HCK: variants seen among roughly 807,000 people sequenced by gnomAD.
HCK encodes the protein tyrosine-protein kinase HCK.
A neutral mutation model predicts 70.4 loss-of-function variants in HCK; 40 were observed. The ratio of observed to expected loss-of-function variants is 0.57; its 90% CI spans 0.44 to 0.74. The LOEUF (loss-of-function observed/expected upper bound fraction) is 0.74, where lower values mean the gene tolerates loss of function less well. Among genes scored for constraint, HCK ranks in the 30% least tolerant of loss-of-function variants. HCK has a pLI of 0.00. For missense variants in HCK, 568 were observed against 697.2 expected (o/e 0.81, Z 2.09); for synonymous variants, 245 against 263.2 (o/e 0.93, Z 0.67).
chr20:32,083,996 C>T lies in HCK; in HGVS notation c.635C>T (p.Pro212Leu). ...GACAACGGGGGCTTCTACATATCCC[C>T]CCGAAGCACCTTCAGCACTCTGCAG... The change falls in exon 7 of 13, where the codon CCC (proline) becomes CTC (leucine). Residue 212 changes from proline (P) to leucine (L), a missense_variant. Physicochemically the swap from Pro to Leu is moderately conservative, Grantham distance 98. Around this residue, in one of 4 missense-constraint regions of HCK, gnomAD observed 318 missense variants for 336.0 expected, o/e 0.95. Transcript: ENST00000375852. The T allele has an allele frequency of 1.9e-6, 3 of 1,614,176 alleles. No homozygotes were observed. Among genetic ancestry groups the T allele is most frequent in the Non-Finnish European group, 2.5e-6 (3 of 1,180,028 alleles).
chr20:32,064,998 G>A (rs986405301), intron 1 of HCK, among the ~76,000 whole-genome samples: 12 of 152,220 alleles, frequency 7.9e-5, no homozygotes, highest in Admixed American at 2.0e-4. Flanking sequence ...TGAGAAATGC[G>A]TATGCAGAAG....
chr20:32,069,584 G>T, intron 1 of HCK: 1 of 387,798 alleles, frequency 2.6e-6, no homozygotes, highest in South Asian at 1.9e-5. Context: ...AGTTTTAAAT[G>T]CATGCAAGTA....
At chr20:32,095,650 GTT>G (rs1409208643) in intron 11 of HCK, among the ~76,000 whole-genome samples, 1 of 152,086 alleles carries the variant, frequency 6.6e-6, no homozygotes, top group African/African-American at 2.4e-5. Context: ...ACTTCTGTGG[GTT>G]TTTTGCAGGG....
At position 32,084,102 on chromosome 20, in the gene HCK, C is replaced by T. The variant is rs896335349; in HGVS notation, c.682+59C>T. On this transcript the variant is annotated intron_variant, in intron 7 of 12. Transcript: ENST00000375852. ...CGATGGGCCCACAGACTCCTAGTCA[C>T]GGATGCACTGTGGCCCCTGAGACCT... The T allele has an allele frequency of 1.1e-5, 17 of 1,564,244 alleles. No homozygotes were observed. The Admixed American group carries it at 1.2e-4, about 11-fold the overall frequency.
At chr20:32,090,530 G>C (rs964264981) in intron 10 of HCK, among the ~76,000 whole-genome samples, 6 of 152,162 alleles carry the variant, frequency 3.9e-5, no homozygotes, top group Non-Finnish European at 7.4e-5. Flanking sequence ...AGGGTGGGGG[G>C]CTTATCTGTG....
chr20:32,059,753 C>T (rs995180175), intron 1 of HCK, among the ~76,000 whole-genome samples: 4 of 152,064 alleles, frequency 2.6e-5, no homozygotes, highest in African/African-American at 7.2e-5. Context: ...TCGGCTCAAA[C>T]GATCCTCCTG....
intron 3 of HCK, 136 bp from the exon 4 acceptor site, chr20:32,073,580 G>C: frequency 1.5e-6 from 1 of 673,556 alleles, no homozygotes; most frequent in South Asian, 1.8e-5. Context: ...ATCACACCCA[G>C]CATGGTGAGA....
intron 10 of HCK, among the ~76,000 whole-genome samples, chr20:32,091,442 G>A (rs2122605535): frequency 6.6e-6 from 1 of 152,322 alleles, no homozygotes; most frequent in Middle Eastern, 3.4e-3. Flanking sequence ...TAACAAAAGT[G>A]CCTCCTCCAA....
chr20:32,101,270 C>T, intron 12 of HCK, 47 bp from the exon 13 acceptor site: 2 of 1,581,604 alleles, frequency 1.3e-6, no homozygotes, highest in Non-Finnish European at 1.7e-6. Flanking sequence ...CCCCTGGGCT[C>T]TCATTTCCCA....
chr20:32,068,393 T>G (rs958495002), intron 1 of HCK, among the ~76,000 whole-genome samples: 11 of 151,844 alleles, frequency 7.2e-5, no homozygotes, highest in Non-Finnish European at 1.5e-5. Flanking sequence ...AAAATAATTT[T>G]TTTTTAAAAA....
chr20:32,057,802 C>T (rs1326479356), intron 1 of HCK, among the ~76,000 whole-genome samples: 1 of 152,166 alleles, frequency 6.6e-6, no homozygotes, highest in Non-Finnish European at 1.5e-5. Context: ...ATGCACCAAC[C>T]ACATGTTGGT....
At chr20:32,076,864 AC>A (rs1373226422) in intron 5 of HCK, among the ~76,000 whole-genome samples, 2 of 151,940 alleles carry the variant, frequency 1.3e-5, no homozygotes, top group Non-Finnish European at 2.9e-5. Context: ...GGGAGGTGGA[AC>A]ACTTGAGGTC....
rs189776313 is a variant in HCK at position 32,088,459 on chromosome 20, T to C, written c.1016-109T>C. On this transcript the variant is annotated intron_variant, in intron 9 of 12. Coordinates refer to ENST00000375852, the MANE Select transcript of HCK (RefSeq NM_002110.5). ...ATATTCGTATTTAAATCTACTACTA[T>C]GAAAAATCTTCACCACACACTAAAG... The C allele has an allele frequency of 1.6e-5, 11 of 692,312 alleles. No homozygotes were observed. The Admixed American group carries it at 2.6e-4, about 17-fold the overall frequency. The allele number at this position is 692,312 out of a possible 1,614,324, so 42.9% of individuals were successfully genotyped here.
intron 5 of HCK, among the ~76,000 whole-genome samples, chr20:32,074,977 G>A (rs1028446868): frequency 5.3e-5 from 8 of 152,126 alleles, no homozygotes; most frequent in African/African-American, 1.2e-4. Flanking sequence ...CTAGCAAAAC[G>A]ACCTGGTTTC....
chr20:32,079,943 C>A, intron 6 of HCK, 66 bp downstream of exon 6: 3 of 1,188,590 alleles, frequency 2.5e-6, no homozygotes, highest in Non-Finnish European at 2.5e-6. Flanking sequence ...GGCCACCACC[C>A]TTTCCTTGGA....
At chr20:32,085,681 CA>C (rs1374947168) in intron 8 of HCK, among the ~76,000 whole-genome samples, 1 of 152,064 alleles carries the variant, frequency 6.6e-6, no homozygotes, top group Non-Finnish European at 1.5e-5. Flanking sequence ...GAAGCCAAGG[CA>C]AAATGGAAAC....
rs1569016850 is a variant in HCK, at chr20:32,099,018, A to G, written c.1261A>G (p.Ile421Val). The G allele has an allele frequency of 6.2e-7, 1 of 1,614,168 alleles. No homozygotes were observed. Among genetic ancestry groups the G allele is most frequent in the South Asian group, 1.1e-5 (1 of 91,086 alleles). ...CAACCCTGCAGGGGCCAAGTTCCCC[A>G]TCAAGTGGACAGCTCCTGAAGCCAT... The change falls in exon 12 of 13, where the codon ATC (isoleucine) becomes GTC (valine). Residue 421 changes from isoleucine (I) to valine (V), a missense_variant. Physicochemically the swap from Ile to Val is conservative, Grantham distance 29. This residue lies in a region of HCK where 160 missense variants were observed against 237.5 expected (regional missense o/e 0.67). Coordinates refer to ENST00000375852, the MANE Select transcript of HCK (RefSeq NM_002110.5).
chr20:32,084,014 C>T lies in HCK; in HGVS notation c.653C>T (p.Thr218Ile), dbSNP rs1402628743. 1 of 1,614,032 alleles carries T rather than the reference C, an allele frequency of 6.2e-7. No individual in the cohort carries two copies. The highest frequency in any genetic ancestry group is 1.7e-5 in the Admixed American group (1 of 60,030). ...ATATCCCCCCGAAGCACCTTCAGCA[C>T]TCTGCAGGAGCTGGTGGACCACTAC... The change falls in exon 7 of 13, where the codon ACT (threonine) becomes ATT (isoleucine). Residue 218 changes from threonine to isoleucine, a missense_variant. Thr to Ile is a moderately conservative substitution (Grantham distance 89). Transcript: ENST00000375852.
Position 32,086,693 on chromosome 20 carries a change from G to T in HCK, c.901G>T (p.Ala301Ser). The change falls in exon 9 of 13, where the codon GCC becomes TCC. Residue 301 changes from alanine to serine, a missense_variant. Physicochemically the swap from Ala to Ser is moderately conservative, Grantham distance 99 (BLOSUM62 1). This residue lies in a region of HCK where 160 missense variants were observed against 237.5 expected (regional missense o/e 0.67). Transcript: ENST00000375852. ...GAAGCCAGGGAGCATGTCGGTGGAGGCCTTCCTGGCAGAGGCCAACGTGAT... is the reference window on the plus strand; with the variant it reads ...GAAGCCAGGGAGCATGTCGGTGGAGTCCTTCCTGGCAGAGGCCAACGTGAT... 1 of 1,613,402 alleles carries T rather than the reference G, an allele frequency of 6.2e-7. No homozygotes were observed. Among genetic ancestry groups the T allele is most frequent in the Non-Finnish European group, 8.5e-7 (1 of 1,179,628 alleles).
Sources: gnomAD v4.1 joint callset for allele counts (sites outside exome capture counted in the v4.1 genomes callset) on GRCh38, gnomAD v4.1.1 for gene constraint, gnomAD v4.1.1 regional missense constraint, MANE v1.5 for transcripts, NCBI Gene and HGNC (gene_info 2026-07-23, HGNC 2026-07-21) for gene names.